Variants in FMN1 observed in about 807,000 individuals in gnomAD.
FMN1 encodes the protein formin-1.
Under a neutral mutation model 132.4 loss-of-function variants are expected in FMN1, and 110 were observed. That is an observed-to-expected ratio of 0.83 (90% CI 0.71 to 0.97). FMN1 has a LOEUF of 0.97. Among genes scored for constraint, FMN1 ranks in the 50% least tolerant of loss-of-function variants. FMN1 has a pLI of 0.00. For synonymous variants in FMN1, 722 were observed against 651.7 expected (o/e 1.11, Z -1.64); for missense variants, 1,792 against 1,705.3 (o/e 1.05, Z -0.90).
At chr15:32,825,586 T>C (rs1298402332) in intron 17 of FMN1, among the ~76,000 whole-genome samples, 1 of 152,250 alleles carries the variant, frequency 6.6e-6, no homozygotes, top group African/African-American at 2.4e-5. Flanking sequence ...CAATTTGTAA[T>C]TATACAATGG....
intron 16 of FMN1, among the ~76,000 whole-genome samples, chr15:32,867,282 A>G (rs961655408): frequency 6.6e-6 from 1 of 152,160 alleles, no homozygotes; most frequent in Non-Finnish European, 1.5e-5. Context: ...GGTTGTCTTC[A>G]ATCCCTCAAG....
At chr15:32,859,660 C>T (rs1397629681) in intron 16 of FMN1, among the ~76,000 whole-genome samples, 3 of 152,218 alleles carry the variant, frequency 2.0e-5, no homozygotes, top group Non-Finnish European at 4.4e-5. Flanking sequence ...ATACATTAAT[C>T]CCTGAGAAGT....
chr15:33,117,549 G>A (rs928281975), intron 4 of FMN1, among the ~76,000 whole-genome samples: 1 of 152,268 alleles, frequency 6.6e-6, no homozygotes, highest in East Asian at 1.9e-4. Context: ...GGATTAAGCT[G>A]AATGTTTGCT....
chr15:32,787,534 T>G lies in FMN1; in HGVS notation c.4131-10615A>C, dbSNP rs143764860. Among the ~76,000 whole-genome samples, 419 of 152,306 alleles carry G rather than the reference T, an allele frequency of 2.8e-3. 4 individuals carry two copies. Among genetic ancestry groups the G allele is most frequent in the African/African-American group, 9.6e-3 (401 of 41,562 alleles). Reference sequence around the variant, plus strand: ...AGAAAGTAATCTTAGGCTTAGCTCCTAACACACCAGAATTTAGCCTTTAAA... The same window carrying G: ...AGAAAGTAATCTTAGGCTTAGCTCCGAACACACCAGAATTTAGCCTTTAAA... On this transcript the variant is annotated intron_variant, in intron 19 of 20. Transcript: ENST00000616417.
chr15:33,169,971 T>C (rs1051134585), intron 3 of FMN1, among the ~76,000 whole-genome samples: 3 of 152,136 alleles, frequency 2.0e-5, no homozygotes, highest in African/African-American at 7.2e-5. Context: ...AGAATATCCT[T>C]CTCAAAAAGC....
At chr15:32,976,085 G>A (rs891100444) in intron 7 of FMN1, among the ~76,000 whole-genome samples, 4 of 152,100 alleles carry the variant, frequency 2.6e-5, no homozygotes, top group Admixed American at 6.6e-5. Flanking sequence ...GCATTTTGTT[G>A]TTAAAAACAT....
intron 20 of FMN1, among the ~76,000 whole-genome samples, chr15:32,775,976 C>T (rs1009416200): frequency 5.9e-5 from 9 of 152,144 alleles, no homozygotes; most frequent in African/African-American, 2.2e-4. Flanking sequence ...TCAACCAAAG[C>T]AGCTGAAATT....
chr15:32,968,183 A>G (rs1231650936), intron 8 of FMN1, among the ~76,000 whole-genome samples: 1 of 152,232 alleles, frequency 6.6e-6, no homozygotes, highest in Admixed American at 6.5e-5. Flanking sequence ...AAGCAGAGAG[A>G]GTTTGTATTT....
chr15:32,941,249 G>A (rs967133564), intron 9 of FMN1, among the ~76,000 whole-genome samples: 1 of 152,184 alleles, frequency 6.6e-6, no homozygotes, highest in African/African-American at 2.4e-5. Context: ...AGATAGTTCA[G>A]AAAACATTTA....
intron 6 of FMN1, among the ~76,000 whole-genome samples, chr15:33,049,637 A>G (rs1263960648): frequency 6.6e-6 from 1 of 152,222 alleles, no homozygotes; most frequent in African/African-American, 2.4e-5. Flanking sequence ...AGTTCAGCCT[A>G]CAGGTTTTTC....
chr15:32,799,363 T>C (rs1239438367), intron 18 of FMN1, among the ~76,000 whole-genome samples: 1 of 152,174 alleles, frequency 6.6e-6, no homozygotes, highest in Admixed American at 6.5e-5. Flanking sequence ...TCATTGGGAA[T>C]AATTAATCTG....
intron 4 of FMN1, among the ~76,000 whole-genome samples, chr15:33,126,160 A>C (rs1263740467): frequency 6.6e-6 from 1 of 152,186 alleles, no homozygotes; most frequent in Admixed American, 6.5e-5. Context: ...ATCCCCGGTC[A>C]TGAGGAGCAT....
At chr15:33,048,500 T>C (rs2036795302) in intron 6 of FMN1, among the ~76,000 whole-genome samples, 1 of 151,636 alleles carries the variant, frequency 6.6e-6, no homozygotes, top group Non-Finnish European at 1.5e-5. Context: ...AGTAAAAGTT[T>C]CTAACAGTTA....
At chr15:32,825,950 C>G (rs1482517303) in intron 17 of FMN1, among the ~76,000 whole-genome samples, 2 of 152,208 alleles carry the variant, frequency 1.3e-5, no homozygotes, top group Non-Finnish European at 2.9e-5. Flanking sequence ...CATATAAAAT[C>G]AGTGTGCGAG....
At chr15:32,811,027 G>C in intron 17 of FMN1, 1 of 456,526 alleles carries the variant, frequency 2.2e-6, no homozygotes, top group South Asian at 1.5e-5. Flanking sequence ...CCATTTCTTA[G>C]AAAATCCCCG....
chr15:32,797,571 C>T (rs1197845224), intron 19 of FMN1, among the ~76,000 whole-genome samples: 6 of 152,090 alleles, frequency 3.9e-5, no homozygotes, highest in African/African-American at 9.7e-5. Flanking sequence ...TTATTATCAA[C>T]GACCTATTTT....
At chr15:32,857,304 C>T (rs1483783284) in intron 16 of FMN1, among the ~76,000 whole-genome samples, 197 bp from the exon 17 acceptor site, 1 of 152,132 alleles carries the variant, frequency 6.6e-6, no homozygotes, top group African/African-American at 2.4e-5. Flanking sequence ...ATAATTAGTT[C>T]ATTCTACACC....
At chr15:33,013,063 T>C in intron 6 of FMN1, 3 of 404,284 alleles carry the variant, frequency 7.4e-6, no homozygotes, top group Middle Eastern at 8.5e-4. Context: ...TGGCAGAAGA[T>C]TTTAATTACT....
chr15:32,806,097 A>T (rs72717664), intron 17 of FMN1, among the ~76,000 whole-genome samples: 24,837 of 152,230 alleles, frequency 0.16, 2,020 homozygotes, highest in Middle Eastern at 0.23. Context: ...AAGCTACAAC[A>T]TAAGTTGTTA....
Sources: gnomAD v4.1 joint callset for allele counts (sites outside exome capture counted in the v4.1 genomes callset) on GRCh38, gnomAD v4.1.1 for gene constraint, MANE v1.5 for transcripts, NCBI Gene and HGNC (gene_info 2026-07-23, HGNC 2026-07-21) for gene names.